The following FAM149B1 variants were observed in gnomAD, a reference collection of about 807,000 sequenced individuals.
FAM149B1 encodes primary cilium assembly protein FAM149B1.
Under a neutral mutation model 75.3 loss-of-function variants are expected in FAM149B1, and 56 were observed. That is an observed-to-expected ratio of 0.74 (90% CI 0.60 to 0.93). The LOEUF (loss-of-function observed/expected upper bound fraction) is 0.93, where lower values mean the gene tolerates loss of function less well. FAM149B1 is among the 40% of genes least tolerant of loss of function. The pLI is 0.00. For missense variants in FAM149B1, 639 were observed against 708.4 expected (o/e 0.90, Z 1.11); for synonymous variants, 259 against 256.1 (o/e 1.01, Z -0.11).
chr10:73,206,634 C>T (rs1204447833), intron 5 of FAM149B1, among the ~76,000 whole-genome samples: 2 of 152,198 alleles, frequency 1.3e-5, no homozygotes, highest in Non-Finnish European at 2.9e-5. Flanking sequence ...CCTTGAGCAG[C>T]CTTGGGACAC....
intron 1 of FAM149B1, 122 bp from the exon 2 acceptor site, chr10:73,174,565 G>C: frequency 1.6e-6 from 1 of 614,454 alleles, no homozygotes; most frequent in Non-Finnish European, 2.8e-6. Flanking sequence ...ATCACTGGTG[G>C]CTACCATATC....
chr10:73,225,574 A>T (rs1345191763), intron 7 of FAM149B1, among the ~76,000 whole-genome samples: 1 of 152,230 alleles, frequency 6.6e-6, no homozygotes, highest in Non-Finnish European at 1.5e-5. Context: ...AAAAAATAAA[A>T]AATTTATAAA....
chr10:73,224,880 T>C (rs1277103022), intron 7 of FAM149B1, among the ~76,000 whole-genome samples: 1 of 152,216 alleles, frequency 6.6e-6, no homozygotes, highest in African/African-American at 2.4e-5. Flanking sequence ...ACATCATGAA[T>C]GTAACTAATG....
chr10:73,232,229 T>TA (rs1481081718), intron 9 of FAM149B1, among the ~76,000 whole-genome samples: 2 of 151,340 alleles, frequency 1.3e-5, no homozygotes, highest in Admixed American at 6.6e-5. Context: ...GAAAAAAAAA[T>TA]ACACACCTGA....
chr10:73,190,442 C>A (rs1023600476), intron 3 of FAM149B1, among the ~76,000 whole-genome samples: 1 of 150,730 alleles, frequency 6.6e-6, no homozygotes, highest in African/African-American at 2.4e-5. Context: ...TGATTCACTG[C>A]GACTACAGGT....
At chr10:73,169,325 CAAAAT>C (rs973681892) in intron 1 of FAM149B1, among the ~76,000 whole-genome samples, 6 of 151,720 alleles carry the variant, frequency 4.0e-5, no homozygotes, top group Non-Finnish European at 8.8e-5. Flanking sequence ...AACTCCGTCT[CAAAAT>C]AAATAAATAA....
At chr10:73,194,204 A>G (rs988898427) in intron 5 of FAM149B1, among the ~76,000 whole-genome samples, 2 of 152,098 alleles carry the variant, frequency 1.3e-5, no homozygotes, top group Admixed American at 1.3e-4. Flanking sequence ...TTCAAACCAT[A>G]TAATAGTGCT....
intron 9 of FAM149B1, among the ~76,000 whole-genome samples, chr10:73,232,496 C>A (rs947546634): frequency 6.6e-6 from 1 of 152,238 alleles, no homozygotes; most frequent in African/African-American, 2.4e-5. Context: ...GGTGCCACAA[C>A]TGCTCCCAAG....
chr10:73,193,413 A>G (rs2042725482), intron 4 of FAM149B1, 64 bp from the exon 5 acceptor site: 3 of 1,491,458 alleles, frequency 2.0e-6, no homozygotes. Flanking sequence ...TCCAAAATAT[A>G]TCTAGATTTT....
At chr10:73,209,572 G>A (rs1347837030) in intron 6 of FAM149B1, among the ~76,000 whole-genome samples, 2 of 152,184 alleles carry the variant, frequency 1.3e-5, no homozygotes, top group Admixed American at 1.3e-4. Context: ...TATTCTAACA[G>A]TAGACCTATC....
At position 73,234,930 on chromosome 10, in the gene FAM149B1, A is replaced by T. The variant is rs1207564500; in HGVS notation, c.1466A>T (p.Gln489Leu). Residue 489 changes from glutamine (Q) to leucine (L), a missense_variant, in exon 11 of 14, where the codon CAA becomes CTA. Coordinates refer to ENST00000242505, the MANE Select transcript of FAM149B1 (RefSeq NM_173348.2). ...EVEHVSTVGP[Q>L]RQMKPHGDSS... is the part of the protein sequence containing the mutation. ...GAACATGTGAGCACTGTGGGGCCAC[A>T]AAGACAGATGGTATGTTTCTTTCAT... 1 of 1,552,032 alleles carries T rather than the reference A, an allele frequency of 6.4e-7. No individual in the cohort carries two copies. The highest frequency in any genetic ancestry group is 8.7e-7 in the Non-Finnish European group (1 of 1,147,072).
rs77450433 is a variant in FAM149B1, at chr10:73,223,636, T to C, written c.899-4424T>C. On this transcript the variant is annotated intron_variant, in intron 7 of 13. Transcript: ENST00000242505. ...ATACCTACTTACAGCCTCTCCAGTATTGTGTGAGAGTTCCAGTTGCTCCAC... is the reference window on the plus strand; with the variant it reads ...ATACCTACTTACAGCCTCTCCAGTACTGTGTGAGAGTTCCAGTTGCTCCAC... 1.0e-2 allele frequency among the ~76,000 whole-genome samples: 1,522 copies of C among 152,318 alleles called. 17 individuals carry two copies. Among genetic ancestry groups the C allele is most frequent in the South Asian group, 0.031 (149 of 4,832 alleles).
At chr10:73,189,159 A>G (rs984520885) in intron 3 of FAM149B1, among the ~76,000 whole-genome samples, 2 of 152,210 alleles carry the variant, frequency 1.3e-5, no homozygotes, top group Non-Finnish European at 2.9e-5. Flanking sequence ...ATGATGAATT[A>G]TAGAGAAAAT....
chr10:73,168,509 C>G, intron 1 of FAM149B1, 123 bp downstream of exon 1: 3 of 1,184,034 alleles, frequency 2.5e-6, no homozygotes, highest in Non-Finnish European at 3.5e-6. Context: ...TCGGAATTCT[C>G]TCCTCTCAGC....
At chr10:73,227,650 C>T (rs7899989) in intron 7 of FAM149B1, among the ~76,000 whole-genome samples, 7,078 of 152,170 alleles carry the variant, frequency 0.047, 514 homozygotes, top group African/African-American at 0.15. Context: ...GAGTAGGCAC[C>T]AGCCACGTTT....
intron 1 of FAM149B1, among the ~76,000 whole-genome samples, chr10:73,170,329 C>A (rs1843658812): frequency 6.6e-6 from 1 of 151,960 alleles, no homozygotes; most frequent in African/African-American, 2.4e-5. Context: ...ATGGTGAAAC[C>A]CTGTCTCTAC....
At chr10:73,211,106 A>G (rs2043178694) in intron 7 of FAM149B1, among the ~76,000 whole-genome samples, 1 of 152,152 alleles carries the variant, frequency 6.6e-6, no homozygotes, top group Admixed American at 6.5e-5. Context: ...TGTGACCTGT[A>G]CTTCTGACCT....
chr10:73,234,867 G>T lies in FAM149B1; in HGVS notation c.1403G>T (p.Arg468Leu). 3 of 1,551,736 alleles carry T rather than the reference G, an allele frequency of 1.9e-6. No individual in the cohort carries two copies. The highest frequency in any genetic ancestry group is 2.6e-6 in the Non-Finnish European group (3 of 1,147,004). The change falls in exon 11 of 14, where the codon CGA becomes CTA. Residue 468 changes from arginine to leucine, a missense_variant. Transcript: ENST00000242505. ...LSSPSPTPLSRNNLLPPIGTA... is the reference protein window; with the variant it reads ...LSSPSPTPLSLNNLLPPIGTA... ...TCTCCCTCACCGACGCCCCTGAGTC[G>T]AAATAATCTGCTACCACCTATTGGC...
At chr10:73,195,755 CT>C (rs2042789787) in intron 5 of FAM149B1, among the ~76,000 whole-genome samples, 1 of 152,122 alleles carries the variant, frequency 6.6e-6, no homozygotes, top group East Asian at 1.9e-4. Flanking sequence ...ATTTTTGGTG[CT>C]ACTTTTCCTG....
Sources: allele counts gnomAD v4.1 joint callset (sites outside exome capture counted in the v4.1 genomes callset), GRCh38; gene constraint gnomAD v4.1.1; transcripts MANE v1.5; gene names NCBI Gene and HGNC (gene_info 2026-07-23, HGNC 2026-07-21).